MTMR9: variants seen among roughly 807,000 people sequenced by gnomAD.
MTMR9 encodes the protein myotubularin-related protein 9.
A neutral mutation model predicts 69.5 loss-of-function variants in MTMR9; 39 were observed. That is an observed-to-expected ratio of 0.56 (90% confidence interval 0.43 to 0.73). The LOEUF (loss-of-function observed/expected upper bound fraction) is 0.73. Ranked by LOEUF, MTMR9 falls within the 30% of genes least tolerant of loss-of-function variation. The pLI is 0.00. For synonymous variants in MTMR9, 354 were observed against 240.8 expected, an observed-to-expected ratio of 1.47 and a Z score of -4.35; for missense variants, 900 against 671.2, an observed-to-expected ratio of 1.34 and a Z score of -3.77.
intron 2 of MTMR9, chr8:11,298,818 TC>T: frequency 1.0e-6 from 1 of 984,680 alleles, no homozygotes; most frequent in Non-Finnish European, 1.2e-6. Context: ...TTCTCTCTGT[TC>T]CTCCCATCTA....
chr8:11,337,392 C>A, the MTMR9 span, among the ~76,000 whole-genome samples: 1 of 152,208 alleles, frequency 6.6e-6, no homozygotes, highest in African/African-American at 2.4e-5. Flanking sequence ...GATATCTTAA[C>A]GTTCTCCAGA....
chr8:11,319,886 C>A, intron 9 of MTMR9, 48 bp downstream of exon 9: 1 of 1,596,962 alleles, frequency 6.3e-7, no homozygotes, highest in Non-Finnish European at 8.6e-7. Context: ...GGTGTGCATG[C>A]GGCTGCCTGT....
At chr8:11,303,331 C>T (rs1214817220) in intron 3 of MTMR9, among the ~76,000 whole-genome samples, 1 of 151,150 alleles carries the variant, frequency 6.6e-6, no homozygotes, top group East Asian at 1.9e-4. Context: ...AGTAGGAAAT[C>T]AATAATAATA....
At chr8:11,332,284 A>G (rs1194967495), downstream of MTMR9, 5 of 1,187,528 alleles carry the variant, frequency 4.2e-6, no homozygotes, top group Non-Finnish European at 4.5e-6. Flanking sequence ...ATGTTCAGTT[A>G]TAATAAAAAT....
intron 7 of MTMR9, 28 bp downstream of exon 7, chr8:11,315,092 G>A (rs369526959): frequency 1.4e-5 from 23 of 1,604,152 alleles, no homozygotes; most frequent in Middle Eastern, 3.5e-4. Context: ...ATTCACAGAG[G>A]AACTGCTTAT....
At chr8:11,321,324 A>T in intron 9 of MTMR9, 1 of 443,168 alleles carries the variant, frequency 2.3e-6, no homozygotes, top group South Asian at 1.6e-5. Flanking sequence ...TACAGGGTTC[A>T]TGATCTCTTA....
At chr8:11,294,262 A>G (rs973978864) in intron 1 of MTMR9, among the ~76,000 whole-genome samples, 1 of 152,040 alleles carries the variant, frequency 6.6e-6, no homozygotes, top group African/African-American at 2.4e-5. Context: ...CTTGAGTGCA[A>G]TGTTGACTAG....
chr8:11,295,187 C>T lies in MTMR9; in HGVS notation c.183-7C>T. 3.9e-6 allele frequency: 6 copies of T among 1,519,760 alleles called. No homozygotes were observed. The highest frequency in any genetic ancestry group is 5.4e-6 in the Non-Finnish European group (6 of 1,102,320). The allele number at this position is 1,519,760 out of a possible 1,614,324, so 94.1% of individuals were successfully genotyped here. On this transcript the variant is annotated splice_polypyrimidine_tract_variant and splice_region_variant and intron_variant, in intron 1 of 9. Coordinates refer to ENST00000221086, the MANE Select transcript of MTMR9 (RefSeq NM_015458.4). ...TGTTCCTAAACATGATTTGCAATTT[C>T]TTACAGATTTGTAGGATCACTGGGT...
chr8:11,322,097 C>T (rs1800720918), intron 9 of MTMR9, among the ~76,000 whole-genome samples: 1 of 152,082 alleles, frequency 6.6e-6, no homozygotes. Context: ...TGAAAGATTG[C>T]CTCTCAAGTA....
intron 2 of MTMR9, among the ~76,000 whole-genome samples, chr8:11,295,731 CTG>C (rs1323766920): frequency 1.3e-5 from 2 of 152,196 alleles, no homozygotes; most frequent in Non-Finnish European, 1.5e-5. Flanking sequence ...GTGCCAAAGA[CTG>C]TAAACTTCTT....
chr8:11,316,526 A>G (rs2117445974), intron 7 of MTMR9, 147 bp from the exon 8 acceptor site: 1 of 469,826 alleles, frequency 2.1e-6, no homozygotes, highest in South Asian at 5.9e-5. Context: ...ATACCAAGAA[A>G]TCATTAATCT....
chr8:11,292,674 A>G (rs188917651), intron 1 of MTMR9, among the ~76,000 whole-genome samples: 1 of 151,992 alleles, frequency 6.6e-6, no homozygotes, highest in African/African-American at 2.4e-5. Context: ...TAGTTTTCCC[A>G]TTTGTAATGG....
intron 6 of MTMR9, among the ~76,000 whole-genome samples, chr8:11,312,297 G>C (rs940775317): frequency 3.3e-5 from 5 of 151,656 alleles, no homozygotes; most frequent in African/African-American, 1.2e-4. Context: ...CAATCCTCCT[G>C]CCTCAGCCTC....
chr8:11,314,888 T>C lies in MTMR9; in HGVS notation c.972-35T>C, dbSNP rs376436120. 29 of 1,603,684 alleles carry C rather than the reference T, an allele frequency of 1.8e-5. No individual in the cohort carries two copies. In the African/African-American group the frequency reaches 3.3e-4, roughly 18 times the overall value. On this transcript the variant is annotated intron_variant, in intron 6 of 9. Transcript: ENST00000221086. ...AGAGTTCATTGACCATGTTGGACAT[T>C]TCCCATTTGTACTCTTCCCTGATTT...
At chr8:11,335,517 T>A in the MTMR9 span, among the ~76,000 whole-genome samples, 1 of 152,206 alleles carries the variant, frequency 6.6e-6, no homozygotes, top group Non-Finnish European at 1.5e-5. Flanking sequence ...TTCCATGCAA[T>A]CTCAATCAAA....
chr8:11,303,518 G>C (rs955734236), intron 3 of MTMR9, among the ~76,000 whole-genome samples: 1 of 151,968 alleles, frequency 6.6e-6, no homozygotes, highest in Non-Finnish European at 1.5e-5. Context: ...TTTAGAAACT[G>C]TGTTTTTTTT....
intron 6 of MTMR9, among the ~76,000 whole-genome samples, chr8:11,313,334 A>G (rs1391013518): frequency 6.6e-6 from 1 of 152,190 alleles, no homozygotes; most frequent in South Asian, 2.1e-4. Context: ...TTGATCTTCT[A>G]TCCAGACCAC....
At chr8:11,333,426 G>C in the MTMR9 span, among the ~76,000 whole-genome samples, 3 of 152,130 alleles carry the variant, frequency 2.0e-5, no homozygotes, top group East Asian at 5.8e-4. Context: ...AAAAATAAGG[G>C]AGAAATTAAG....
chr8:11,334,048 T>G, the MTMR9 span, among the ~76,000 whole-genome samples: 1 of 152,226 alleles, frequency 6.6e-6, no homozygotes, highest in African/African-American at 2.4e-5. Context: ...ACACACTGTC[T>G]TGTCCTTCCA....
Sources: gnomAD v4.1 joint callset for allele counts (sites outside exome capture counted in the v4.1 genomes callset) on GRCh38, gnomAD v4.1.1 for gene constraint, MANE v1.5 for transcripts, NCBI Gene and HGNC (gene_info 2026-07-23, HGNC 2026-07-21) for gene names.